RAP1GAP2: variants seen among roughly 807,000 people sequenced by gnomAD.
RAP1GAP2 encodes the protein rap1 GTPase-activating protein 2.
In RAP1GAP2, 27 loss-of-function variants were observed where a neutral mutation model predicts 95.0. The ratio of observed to expected loss-of-function variants is 0.28; its 90% CI spans 0.21 to 0.39. The LOEUF is 0.39. RAP1GAP2 is among the 10% of genes least tolerant of loss of function. RAP1GAP2 has a pLI of 1.00. For missense variants in RAP1GAP2, 771 were observed against 970.0 expected (o/e 0.79, Z 2.72); for synonymous variants, 373 against 380.9 (o/e 0.98, Z 0.24).
At chr17:2,942,253 A>G (rs577800685) in intron 3 of RAP1GAP2, among the ~76,000 whole-genome samples, 1 of 152,244 alleles carries the variant, frequency 6.6e-6, no homozygotes, top group East Asian at 1.9e-4. Flanking sequence ...AGTGCCTTAT[A>G]CCTGCCTGGC....
Position 2,872,854 on chromosome 17 carries a change from G to T in RAP1GAP2, c.81-32430G>T, listed in dbSNP as rs546160782. On this transcript the variant is annotated intron_variant, in intron 2 of 24. Transcript: ENST00000254695. ...CCTGGCAAAGTTTTTGTAGAGACTG[G>T]ATCCCACTTTGTTGCCCAGGCCTGG... 2.0e-5 allele frequency among the ~76,000 whole-genome samples: 3 copies of T among 152,060 alleles called. No individual in the cohort carries two copies. In the South Asian group the frequency reaches 6.2e-4, roughly 32 times the overall value.
rs748439297 is a variant in RAP1GAP2, at chr17:2,964,049, G to A, written c.473G>A (p.Arg158Gln). The change falls in exon 7 of 25, where the codon CGG becomes CAG. Residue 158 changes from arginine (R) to glutamine (Q), a missense_variant. Physicochemically the swap from Arg to Gln is conservative, Grantham distance 43 (BLOSUM62 1). Transcript: ENST00000254695. ...TGCAAGGGTGAAGCCAGGGCCTACC[G>A]GAGGCACTTCCTGGGGAAGGTGAGG... is the stretch of plus-strand genomic sequence containing the variant. ...LECKGEARAY[R>Q]RHFLGKDHLN... The A allele has an allele frequency of 8.1e-6, 13 of 1,610,510 alleles. No homozygotes were observed. The highest frequency in any genetic ancestry group is 2.7e-5 in the African/African-American group (2 of 74,266).
intron 2 of RAP1GAP2, among the ~76,000 whole-genome samples, chr17:2,805,415 G>A (rs1349664331): frequency 6.6e-6 from 1 of 152,076 alleles, no homozygotes; most frequent in Non-Finnish European, 1.5e-5. Flanking sequence ...CAGTGCAGTG[G>A]TGCAATCTCG....
intron 2 of RAP1GAP2, among the ~76,000 whole-genome samples, chr17:2,818,087 C>G (rs555927866): frequency 6.6e-6 from 1 of 151,904 alleles, no homozygotes; most frequent in Admixed American, 6.6e-5. Context: ...CTGCCCTCCT[C>G]GGCCTCCTAA....
At chr17:2,974,168 T>C (rs571775186) in intron 8 of RAP1GAP2, among the ~76,000 whole-genome samples, 317 of 145,988 alleles carry the variant, frequency 2.2e-3, no homozygotes, top group Non-Finnish European at 3.3e-3. Context: ...GGTGAAACCC[T>C]GTCTCTACTA....
intron 1 of RAP1GAP2, among the ~76,000 whole-genome samples, chr17:2,762,749 G>C (rs2151757542): frequency 6.7e-6 from 1 of 150,056 alleles, no homozygotes; most frequent in African/African-American, 2.5e-5. Flanking sequence ...CAAAAATTCG[G>C]GCCCTAGCAC....
At chr17:2,937,248 T>A (rs980248656) in intron 3 of RAP1GAP2, among the ~76,000 whole-genome samples, 1 of 152,204 alleles carries the variant, frequency 6.6e-6, no homozygotes, top group Non-Finnish European at 1.5e-5. Flanking sequence ...AGCCAGTGCC[T>A]GGCCTGGAGG....
intron 19 of RAP1GAP2, among the ~76,000 whole-genome samples, chr17:3,022,501 T>C (rs1028793433): frequency 6.6e-6 from 1 of 152,266 alleles, no homozygotes; most frequent in African/African-American, 2.4e-5. Flanking sequence ...GAATGTTTTT[T>C]GATATACTTG....
At chr17:3,032,939 G>T (rs1431998644) in intron 24 of RAP1GAP2, 1 of 180,472 alleles carries the variant, frequency 5.5e-6, no homozygotes, top group Non-Finnish European at 1.2e-5. Flanking sequence ...GGTTTGAGCA[G>T]AGTGGCCGTG....
intron 3 of RAP1GAP2, among the ~76,000 whole-genome samples, chr17:2,944,007 T>C (rs1182171329): frequency 6.6e-6 from 1 of 151,384 alleles, no homozygotes; most frequent in African/African-American, 2.4e-5. Context: ...ATTAGCCAGG[T>C]ATGGTGGTGT....
intron 12 of RAP1GAP2, among the ~76,000 whole-genome samples, chr17:2,995,106 C>T (rs1597823519): frequency 1.3e-5 from 2 of 152,024 alleles, no homozygotes; most frequent in Non-Finnish European, 1.5e-5. Flanking sequence ...TGAGCCACTG[C>T]GCCCGGCCAG....
chr17:2,945,315 AAC>A (rs1360425177), intron 3 of RAP1GAP2, among the ~76,000 whole-genome samples: 1 of 152,114 alleles, frequency 6.6e-6, no homozygotes, highest in African/African-American at 2.4e-5. Flanking sequence ...GGTGTATAGA[AAC>A]ACAACTGATT....
intron 2 of RAP1GAP2, among the ~76,000 whole-genome samples, chr17:2,890,749 A>G (rs1424514071): frequency 6.7e-6 from 1 of 150,196 alleles, no homozygotes; most frequent in African/African-American, 2.5e-5. Flanking sequence ...CAGTGGCGCA[A>G]TCTTGGCTCA....
intron 2 of RAP1GAP2, chr17:2,854,109 C>T: frequency 1.0e-6 from 1 of 985,432 alleles, no homozygotes; most frequent in Non-Finnish European, 1.2e-6. Flanking sequence ...AAAGGTAAAC[C>T]CCTGCAGCGC....
chr17:2,844,746 TCGTTGGCTAAGC>T (rs1180526141), intron 2 of RAP1GAP2, among the ~76,000 whole-genome samples: 2 of 152,106 alleles, frequency 1.3e-5, no homozygotes, highest in Non-Finnish European at 2.9e-5. Context: ...AAGGAAACTG[TCGTTGGCTAAGC>T]CAAGCCGGAA....
At chr17:2,927,550 C>T (rs2043010678) in intron 3 of RAP1GAP2, among the ~76,000 whole-genome samples, 1 of 152,196 alleles carries the variant, frequency 6.6e-6, no homozygotes, top group African/African-American at 2.4e-5. Context: ...GGACCTGGGT[C>T]ATCCAGGCCC....
chr17:2,915,704 A>T (rs1318951384), intron 3 of RAP1GAP2, among the ~76,000 whole-genome samples: 1 of 150,716 alleles, frequency 6.6e-6, no homozygotes, highest in African/African-American at 2.4e-5. Context: ...CTTTATTTTT[A>T]TTTATTTTTT....
At position 2,796,926 on chromosome 17, in the gene RAP1GAP2, G is replaced by C. The variant is rs1199923535; in HGVS notation, c.44+355G>C. 6.6e-6 allele frequency among the ~76,000 whole-genome samples: 1 copy of C among 152,084 alleles called. No individual in the cohort carries two copies. The highest frequency in any genetic ancestry group is 1.9e-4 in the East Asian group (1 of 5,192). On this transcript the variant is annotated intron_variant, in intron 1 of 24. Transcript: ENST00000254695. This position sits in a 1 kb window ranked among gnomAD's most constrained non-coding sequence, Gnocchi z 4.7. ...ATTATGTGTAAGTGTGTGTGTGCGCGTTTGAGCCTGTGTGTGCAGGCGTGT... is the reference window on the plus strand; with the variant it reads ...ATTATGTGTAAGTGTGTGTGTGCGCCTTTGAGCCTGTGTGTGCAGGCGTGT...
At chr17:2,767,231 A>C (rs1371668149) in intron 1 of RAP1GAP2, among the ~76,000 whole-genome samples, 1 of 151,702 alleles carries the variant, frequency 6.6e-6, no homozygotes, top group African/African-American at 2.4e-5. Flanking sequence ...GTGTGGTGAC[A>C]GATGCCTGTA....
Sources: allele counts gnomAD v4.1 joint callset (sites outside exome capture counted in the v4.1 genomes callset), GRCh38; gene constraint gnomAD v4.1.1; non-coding constraint Gnocchi (gnomAD v3.1); transcripts MANE v1.5; gene names NCBI Gene and HGNC (gene_info 2026-07-23, HGNC 2026-07-21).